CDYL2: variants seen among roughly 807,000 people sequenced by gnomAD.
The protein encoded by CDYL2 is chromodomain Y-like protein 2.
In CDYL2, 23 loss-of-function variants were observed where a neutral mutation model predicts 49.4. The ratio of observed to expected loss-of-function variants is 0.47; its 90% CI spans 0.34 to 0.66. The LOEUF (loss-of-function observed/expected upper bound fraction) is 0.66. Ranked by LOEUF, CDYL2 falls within the 30% of genes least tolerant of loss-of-function variation. The pLI is 0.01. For missense variants in CDYL2, 678 were observed against 656.4 expected (o/e 1.03, Z -0.36); for synonymous variants, 360 against 268.8 (o/e 1.34, Z -3.32).
At chr16:80,736,301 A>G (rs928657922) in intron 1 of CDYL2, 3 of 152,274 alleles carry the variant, frequency 2.0e-5, no homozygotes, top group Non-Finnish European at 2.9e-5. Flanking sequence ...ATACGTAACC[A>G]TCATGCACAG....
At position 80,633,046 on chromosome 16, in the gene CDYL2, G is replaced by A. The variant is rs1907640291; in HGVS notation, c.807C>T (p.Thr269=). ...CAGGTGTCAGGGCATTGTTATCCGA[G>A]GTCTGACTGGACAGCAGGATGTGCG... The part of the protein sequence containing the change: ...GFTHILLSSQ[T]SDNNALTPEI... The change falls in exon 3 of 7, where the codon ACC becomes ACT. Residue 269 remains threonine, a synonymous_variant. Coordinates refer to ENST00000570137, the MANE Select transcript of CDYL2 (RefSeq NM_152342.4). 6.2e-7 allele frequency: 1 copy of A among 1,614,008 alleles called. No individual in the cohort carries two copies. The highest frequency in any genetic ancestry group is 8.5e-7 in the Non-Finnish European group (1 of 1,180,012).
chr16:80,619,598 G>C (rs140404806), intron 4 of CDYL2, among the ~76,000 whole-genome samples: 229 of 152,306 alleles, frequency 1.5e-3, no homozygotes, highest in Non-Finnish European at 2.9e-3. Flanking sequence ...TTGATACATG[G>C]AAAGGCAGTA....
Position 80,633,070 on chromosome 16 carries a change from C to T in CDYL2, c.783G>A (p.Thr261=), listed in dbSNP as rs148307202. Residue 261 remains threonine (T), a synonymous_variant, in exon 3 of 7, where the codon ACG becomes ACA. Transcript: ENST00000570137. The stretch of plus-strand genomic sequence containing the variant: ...AGGTCTGACTGGACAGCAGGATGTG[C>T]GTGAACCCTTCTTCCTTCCGCACAA... ...DIVVRKEEGF[T]HILLSSQTSD... 2,546 of 1,614,142 alleles carry T rather than the reference C, an allele frequency of 1.6e-3. 24 individuals carry two copies. In the African/African-American group the frequency reaches 0.029, roughly 18 times the overall value.
At chr16:80,684,490 C>A in intron 2 of CDYL2, 48 bp downstream of exon 2, 1 of 1,560,190 alleles carries the variant, frequency 6.4e-7, no homozygotes, top group Non-Finnish European at 8.7e-7. Flanking sequence ...CAGAGCTCCC[C>A]TTTCGCCATG....
chr16:80,646,224 T>A (rs908197175), intron 2 of CDYL2, among the ~76,000 whole-genome samples: 1 of 151,726 alleles, frequency 6.6e-6, no homozygotes, highest in Non-Finnish European at 1.5e-5. Flanking sequence ...AAGATGAGAT[T>A]TGGATGGGGA....
rs116019877 is a variant in CDYL2 at position 80,733,792 on chromosome 16, T to C, written c.25-48663A>G. On this transcript the variant is annotated intron_variant, in intron 1 of 6. Transcript: ENST00000570137. ...CAGTGATTGCCTTTAACCAGAACTA[T>C]TGCAATGGCTCCCAACTCATTTTCT... Among the ~76,000 whole-genome samples the C allele has an allele frequency of 9.3e-3, 1,418 of 152,266 alleles. 31 individuals are homozygous for C. Among genetic ancestry groups the C allele is most frequent in the African/African-American group, 0.032 (1,341 of 41,536 alleles).
chr16:80,716,000 A>C (rs1167380256), intron 1 of CDYL2, among the ~76,000 whole-genome samples: 1 of 152,260 alleles, frequency 6.6e-6, no homozygotes, highest in Non-Finnish European at 1.5e-5. Flanking sequence ...TTGGGCAGAG[A>C]GCTAAATCTC....
chr16:80,785,102 C>T (rs1039562561), intron 1 of CDYL2, among the ~76,000 whole-genome samples: 3 of 152,028 alleles, frequency 2.0e-5, no homozygotes, highest in African/African-American at 7.2e-5. Context: ...TGATGGGAGG[C>T]TACTGAAGAC....
rs903486673 is a variant in CDYL2, at chr16:80,602,104, A to T, written c.*2284T>A. On this transcript the variant is annotated 3_prime_UTR_variant, in exon 7 of 7. Transcript: ENST00000570137. Reference sequence around the variant, plus strand: ...GGGCTCTTTCTAATGAAAATTTAGCAGTAGTGAAGACACTGTCTGCCACAA... The same window carrying T: ...GGGCTCTTTCTAATGAAAATTTAGCTGTAGTGAAGACACTGTCTGCCACAA... The T allele has an allele frequency of 6.6e-6, 1 of 152,244 alleles. No homozygotes were observed. The highest frequency in any genetic ancestry group is 2.4e-5 in the African/African-American group (1 of 41,458). 9.4% of individuals were successfully genotyped at this position (152,244 alleles called of 1,614,324 possible).
At chr16:80,647,003 T>C (rs1908379141) in intron 2 of CDYL2, among the ~76,000 whole-genome samples, 1 of 151,538 alleles carries the variant, frequency 6.6e-6, no homozygotes, top group South Asian at 2.1e-4. Context: ...AACTATAAGA[T>C]AAAGAGGGTC....
intron 2 of CDYL2, among the ~76,000 whole-genome samples, chr16:80,665,918 G>A (rs902158173): frequency 2.6e-5 from 4 of 152,174 alleles, no homozygotes; most frequent in African/African-American, 9.7e-5. Flanking sequence ...TCGCCTTGCT[G>A]GCTTATGCAA....
chr16:80,721,654 G>T (rs1262656084), intron 1 of CDYL2, among the ~76,000 whole-genome samples: 2 of 152,214 alleles, frequency 1.3e-5, no homozygotes, highest in Non-Finnish European at 2.9e-5. Flanking sequence ...AATATGCACA[G>T]TTTCCCATTT....
At chr16:80,770,830 T>C (rs888007324) in intron 1 of CDYL2, among the ~76,000 whole-genome samples, 1 of 152,142 alleles carries the variant, frequency 6.6e-6, no homozygotes, top group Non-Finnish European at 1.5e-5. Context: ...TGTCTCATTC[T>C]TAAAAAAGTA....
intron 1 of CDYL2, among the ~76,000 whole-genome samples, chr16:80,744,242 T>C (rs966008760): frequency 3.3e-5 from 5 of 152,232 alleles, no homozygotes; most frequent in African/African-American, 7.2e-5. Flanking sequence ...TGGGTCTGGT[T>C]AGCACATGTG....
chr16:80,670,843 G>A, intron 2 of CDYL2: 1 of 448,860 alleles, frequency 2.2e-6, no homozygotes, highest in Non-Finnish European at 4.5e-6. Context: ...TGCACACGAG[G>A]AAGATAAAAG....
intron 2 of CDYL2, among the ~76,000 whole-genome samples, chr16:80,677,160 C>G (rs1909784305): frequency 6.6e-6 from 1 of 151,366 alleles, no homozygotes; most frequent in African/African-American, 2.4e-5. Context: ...TTTGGAGAGA[C>G]AGGGTTTCGC....
chr16:80,748,165 A>AATAATAATG (rs1905999795), intron 1 of CDYL2, among the ~76,000 whole-genome samples: 2 of 146,852 alleles, frequency 1.4e-5, no homozygotes, highest in Admixed American at 1.4e-4. Flanking sequence ...TAATAATAAT[A>AATAATAATG]ATATAAAGAA....
chr16:80,698,756 A>T (rs1014400133), intron 1 of CDYL2, among the ~76,000 whole-genome samples: 4 of 152,050 alleles, frequency 2.6e-5, no homozygotes, highest in African/African-American at 9.7e-5. Context: ...TTCTGCCATG[A>T]TTGTAAGTTT....
At chr16:80,669,639 G>A (rs1215359988) in intron 2 of CDYL2, among the ~76,000 whole-genome samples, 1 of 152,176 alleles carries the variant, frequency 6.6e-6, no homozygotes, top group East Asian at 1.9e-4. Context: ...CCAAGCAGGA[G>A]GGTCGGTGGG....
Sources: gnomAD v4.1 joint callset for allele counts (sites outside exome capture counted in the v4.1 genomes callset) on GRCh38, gnomAD v4.1.1 for gene constraint, MANE v1.5 for transcripts, NCBI Gene and HGNC (gene_info 2026-07-23, HGNC 2026-07-21) for gene names.